Variants in PI16 observed in about 807,000 individuals in gnomAD.
The protein encoded by PI16 is PSP94-binding protein.
In PI16, 35 loss-of-function variants were observed where a neutral mutation model predicts 38.0. That is an observed-to-expected ratio of 0.92 (90% CI 0.70 to 1.22). The LOEUF is 1.22. Among genes scored for constraint, PI16 ranks in the 50% most tolerant of loss-of-function variants. The pLI is 0.00. For synonymous variants in PI16, 275 were observed against 252.9 expected (o/e 1.09, Z -0.83); for missense variants, 572 against 593.8 (o/e 0.96, Z 0.38).
In PI16 at chr6:36,963,982, G is replaced by T. The variant is rs771903242; in HGVS notation, c.*18+20G>T. The stretch of plus-strand genomic sequence containing the variant: ...TCAAAGGCAAGGCCTGGTGAGGGGG[G>T]CCCTGGCCTCATACCCACCTGGATT... On this transcript the variant is annotated intron_variant, in intron 6 of 6. Coordinates refer to ENST00000373674, the MANE Select transcript of PI16 (RefSeq NM_153370.3). 3.1e-6 allele frequency: 5 copies of T among 1,593,256 alleles called. No individual in the cohort carries two copies. Among genetic ancestry groups the T allele is most frequent in the Admixed American group, 1.8e-5 (1 of 56,492 alleles).
In PI16 at chr6:36,961,876, C is replaced by T; in HGVS notation, c.504-10C>T. On this transcript the variant is annotated splice_polypyrimidine_tract_variant and intron_variant, in intron 3 of 6. Transcript: ENST00000373674. ...CCCCCTCCCCGCAGCATCCTCCTGACCTCCTGTAGGGGGAACGTGAAGGGG... is the reference window on the plus strand; with the variant it reads ...CCCCCTCCCCGCAGCATCCTCCTGATCTCCTGTAGGGGGAACGTGAAGGGG... 1 of 1,611,568 alleles carries T rather than the reference C, an allele frequency of 6.2e-7. No individual in the cohort carries two copies. Among genetic ancestry groups the T allele is most frequent in the Non-Finnish European group, 8.5e-7 (1 of 1,177,748 alleles).
chr6:36,959,926 T>C (rs1286511335), intron 2 of PI16, among the ~76,000 whole-genome samples: 2 of 150,224 alleles, frequency 1.3e-5, no homozygotes, highest in African/African-American at 4.9e-5. Flanking sequence ...GTGGGGACGG[T>C]GGGACATGTT....
exon 1 of PI16, chr6:36,948,324 T>C (rs1224927827): frequency 6.6e-6 from 1 of 152,318 alleles, no homozygotes; most frequent in Non-Finnish European, 1.5e-5. Flanking sequence ...GGGCAACCTG[T>C]AGTGCCAGTG....
At chr6:36,961,815 T>G in intron 3 of PI16, 71 bp from the exon 4 acceptor site, 2 of 1,253,456 alleles carry the variant, frequency 1.6e-6, no homozygotes, top group Non-Finnish European at 2.3e-6. Context: ...AGTAGGTGTG[T>G]GTATAGGAGT....
chr6:36,963,903 C>T lies in PI16; in HGVS notation c.1351C>T (p.Leu451=). Residue 451 remains leucine (L), a synonymous_variant, in exon 6 of 7, where the codon CTA becomes TTA. Transcript: ENST00000373674. ...PGHVWGPLLG[L]LLLPPLVLAG... ...TCATGTGTGGGGCCCTCTCCTGGGA[C>T]TACTGCTCCTGCCTCCTCTGGTGTT... 1 of 1,613,856 alleles carries T rather than the reference C, an allele frequency of 6.2e-7. No individual in the cohort carries two copies. The highest frequency in any genetic ancestry group is 8.5e-7 in the Non-Finnish European group (1 of 1,179,940).
chr6:36,963,871 G>T lies in PI16; in HGVS notation c.1319G>T (p.Gly440Val), dbSNP rs772856773. The T allele has an allele frequency of 1.4e-5, 22 of 1,613,562 alleles. No homozygotes were observed. The highest frequency in any genetic ancestry group is 2.7e-5 in the African/African-American group (2 of 74,866). ...KPSVVSGLNS[G>V]PGHVWGPLLG... Reference sequence around the variant, plus strand: ...AGCGTCGTGTCAGGGCTGAACTCGGGCCCTGGTCATGTGTGGGGCCCTCTC... The same window carrying T: ...AGCGTCGTGTCAGGGCTGAACTCGGTCCCTGGTCATGTGTGGGGCCCTCTC... Residue 440 changes from glycine (G) to valine (V), a missense_variant, in exon 6 of 7, where the codon GGC (glycine) becomes GTC (valine). Coordinates refer to ENST00000373674, the MANE Select transcript of PI16 (RefSeq NM_153370.3).
chr6:36,949,542 C>T (rs1763067204), intron 1 of PI16, among the ~76,000 whole-genome samples: 1 of 152,158 alleles, frequency 6.6e-6, no homozygotes, highest in Non-Finnish European at 1.5e-5. Flanking sequence ...GGACAGCTGC[C>T]CAGGGGTCTG....
At chr6:36,952,766 T>C (rs1460424372), upstream of PI16, among the ~76,000 whole-genome samples, 2 of 152,246 alleles carry the variant, frequency 1.3e-5, no homozygotes. Context: ...TCAAGATTGT[T>C]TTGACTATTT....
rs139245975 is a variant in PI16, at chr6:36,958,838, G to T, written c.172-307G>T. 3.9e-5 allele frequency among the ~76,000 whole-genome samples: 6 copies of T among 152,232 alleles called. No individual in the cohort carries two copies. The East Asian group carries it at 1.2e-3, about 29-fold the overall frequency. On this transcript the variant is annotated intron_variant, in intron 1 of 6. Coordinates refer to ENST00000373674, the MANE Select transcript of PI16 (RefSeq NM_153370.3). Reference sequence around the variant, plus strand: ...TGTATGGCCACCTTTTTCACATGAGGCTTTTAATAATAACACTGTCACCAA... The same window carrying T: ...TGTATGGCCACCTTTTTCACATGAGTCTTTTAATAATAACACTGTCACCAA...
At chr6:36,954,127 G>A (rs979604088), upstream of PI16, among the ~76,000 whole-genome samples, 4 of 152,176 alleles carry the variant, frequency 2.6e-5, no homozygotes, top group African/African-American at 9.7e-5. Context: ...CTGTTACTGA[G>A]GGCCTACTAT....
At chr6:36,961,242 C>T (rs957826056) in intron 2 of PI16, among the ~76,000 whole-genome samples, 3 of 152,174 alleles carry the variant, frequency 2.0e-5, no homozygotes, top group Non-Finnish European at 4.4e-5. Flanking sequence ...GTGTGGTTGG[C>T]AGAGGAGAGT....
chr6:36,963,356 C>A lies in PI16; in HGVS notation c.1014C>A (p.Asp338Glu). The A allele has an allele frequency of 2.5e-6, 4 of 1,614,176 alleles. No individual in the cohort carries two copies. Among genetic ancestry groups the A allele is most frequent in the East Asian group, 2.2e-5 (1 of 44,880 alleles). ...CTAGGAGCCCAGAGAACTCTCTGGA[C>A]CCCAAGATGTCCCTGACAGGGGCAA... is the stretch of plus-strand genomic sequence containing the variant. ...VPSRSPENSL[D>E]PKMSLTGARE... Residue 338 changes from aspartate (D) to glutamate (E), a missense_variant, in exon 5 of 7, where the codon GAC becomes GAA. By Grantham distance (45) the Asp-to-Glu change is conservative (BLOSUM62 2). Coordinates refer to ENST00000373674, the MANE Select transcript of PI16 (RefSeq NM_153370.3).
At chr6:36,955,568 G>A (rs144348967) in intron 1 of PI16, among the ~76,000 whole-genome samples, 3 of 152,210 alleles carry the variant, frequency 2.0e-5, no homozygotes, top group South Asian at 2.1e-4. Flanking sequence ...TGTAAAAGGC[G>A]GTCAGAATTA....
In PI16 at chr6:36,963,192, G is replaced by C. The variant is rs199875004; in HGVS notation, c.850G>C (p.Val284Leu). The C allele has an allele frequency of 3.7e-5, 59 of 1,614,114 alleles. No individual in the cohort carries two copies. Among genetic ancestry groups the C allele is most frequent in the East Asian group, 2.9e-4 (13 of 44,890 alleles). ...PSMATEAPPCVTTEVPSILAA... is the reference protein window; with the variant it reads ...PSMATEAPPCLTTEVPSILAA... ...CATGGCAACAGAGGCTCCACCTTGC[G>C]TAACAACTGAGGTCCCTTCCATTTT... The change falls in exon 5 of 7, where the codon GTA becomes CTA. Residue 284 changes from valine to leucine, a missense_variant. By Grantham distance (32) the Val-to-Leu change is conservative (BLOSUM62 1). Coordinates refer to ENST00000373674, the MANE Select transcript of PI16 (RefSeq NM_153370.3).
At chr6:36,963,754 A>T in intron 5 of PI16, 69 bp from the exon 6 acceptor site, 1 of 1,534,280 alleles carries the variant, frequency 6.5e-7, no homozygotes, top group Non-Finnish European at 8.8e-7. Context: ...ACCTCCTTGC[A>T]TGGTGGGGTG....
At chr6:36,960,364 T>TGTGTGTGTGTGTGTGTG (rs1554141487) in intron 2 of PI16, among the ~76,000 whole-genome samples, 7 of 139,238 alleles carry the variant, frequency 5.0e-5, no homozygotes, top group Non-Finnish European at 7.9e-5. Context: ...TGTGTGTGTG[T>TGTGTGTGTGTGTGTGTG]AGGGGAATTA....
At chr6:36,949,208 G>A (rs1392595646) in intron 1 of PI16, among the ~76,000 whole-genome samples, 3 of 151,744 alleles carry the variant, frequency 2.0e-5, no homozygotes, top group Non-Finnish European at 2.9e-5. Flanking sequence ...TGCAACCTCC[G>A]CCTCCCGGGT....
At position 36,962,417 on chromosome 6, in the gene PI16, G is replaced by A. The variant is rs1223197704; in HGVS notation, c.592+443G>A. Among the ~76,000 whole-genome samples the A allele has an allele frequency of 6.6e-6, 1 of 152,234 alleles. No individual in the cohort carries two copies. The highest frequency in any genetic ancestry group is 1.5e-5 in the Non-Finnish European group (1 of 68,042). Reference sequence around the variant, plus strand: ...AATGTAGAGAGACTTGGACCAGGAGGTGGCTAGAGGAGCAACTGTGTCAAT... The same window carrying A: ...AATGTAGAGAGACTTGGACCAGGAGATGGCTAGAGGAGCAACTGTGTCAAT... On this transcript the variant is annotated intron_variant, in intron 4 of 6. Transcript: ENST00000373674. This position sits in a 1 kb window ranked among gnomAD's most constrained non-coding sequence, Gnocchi z 4.1.
upstream of PI16, among the ~76,000 whole-genome samples, chr6:36,950,289 G>A (rs1217702105): frequency 2.0e-5 from 3 of 152,198 alleles, no homozygotes; most frequent in Non-Finnish European, 4.4e-5. This position sits in a 1 kb window ranked among gnomAD's most constrained non-coding sequence, Gnocchi z 4.2. Flanking sequence ...GTGGGATCAT[G>A]TAAGATTTGT....
Sources: allele counts gnomAD v4.1 joint callset (sites outside exome capture counted in the v4.1 genomes callset), GRCh38; gene constraint gnomAD v4.1.1; non-coding constraint Gnocchi (gnomAD v3.1); transcripts MANE v1.5; gene names NCBI Gene and HGNC (gene_info 2026-07-23, HGNC 2026-07-21).